NSD2: variants seen among roughly 807,000 people sequenced by gnomAD.
NSD2 encodes histone-lysine N-methyltransferase NSD2.
NSD2 carries 12 observed loss-of-function variants against 139.0 expected under a neutral mutation model. That is an observed-to-expected ratio of 0.09 (90% CI 0.06 to 0.14). The LOEUF (loss-of-function observed/expected upper bound fraction) is 0.14. NSD2 is among the 10% of genes least tolerant of loss of function. The pLI is 1.00. For missense variants in NSD2, 1,155 were observed against 1,745.0 expected (o/e 0.66, Z 6.02); for synonymous variants, 669 against 648.7 (o/e 1.03, Z -0.48).
Position 1,975,281 on chromosome 4 carries a change from C to G in NSD2, c.3515-13C>G. The stretch of plus-strand genomic sequence containing the variant: ...GGTGTTTCCAATTTGGTGTCTGTCT[C>G]CTCTTCTCCCAGGGACGGAGCTGAC... On this transcript the variant is annotated splice_polypyrimidine_tract_variant and intron_variant, in intron 19 of 21. Transcript: ENST00000508803. 6.2e-7 allele frequency: 1 copy of G among 1,613,524 alleles called. No homozygotes were observed. Among genetic ancestry groups the G allele is most frequent in the Non-Finnish European group, 8.5e-7 (1 of 1,179,516 alleles).
intron 9 of NSD2, chr4:1,944,536 G>A: frequency 9.4e-7 from 1 of 1,065,612 alleles, no homozygotes; most frequent in Non-Finnish European, 1.1e-6. Context: ...TTGGAGAGGG[G>A]AGGTGGCTCT....
At chr4:1,904,820 G>A (rs1007427727) in intron 3 of NSD2, among the ~76,000 whole-genome samples, 2 of 152,086 alleles carry the variant, frequency 1.3e-5, no homozygotes, top group Admixed American at 6.6e-5. Flanking sequence ...TTTACATGGA[G>A]CGGCTGATGT....
chr4:1,978,529 C>T, intron 21 of NSD2, 109 bp from the exon 22 acceptor site: 1 of 1,464,030 alleles, frequency 6.8e-7, no homozygotes, highest in Non-Finnish European at 9.3e-7. Context: ...GGAGCCAGCA[C>T]TATTTTGTGT....
At chr4:1,932,759 A>G (rs1007767318) in intron 6 of NSD2, among the ~76,000 whole-genome samples, 8 of 152,238 alleles carry the variant, frequency 5.3e-5, no homozygotes, top group African/African-American at 1.9e-4. Flanking sequence ...ATCTCAAAAA[A>G]AATGAAAATC....
intron 7 of NSD2, 37 bp from the exon 8 acceptor site, chr4:1,938,414 T>TGTTTG: frequency 8.9e-7 from 1 of 1,125,128 alleles, no homozygotes; most frequent in Non-Finnish European, 1.2e-6. Flanking sequence ...TTTTTTTTCT[T>TGTTTG]TCTTTTTTTT....
intron 9 of NSD2, chr4:1,945,648 G>T: frequency 9.4e-7 from 1 of 1,064,108 alleles, no homozygotes; most frequent in Non-Finnish European, 1.1e-6. Context: ...GTCCCGGCAT[G>T]GAAGCCAGTA....
At chr4:1,896,711 C>CTTCCTTCCT (rs1716370051) in intron 1 of NSD2, among the ~76,000 whole-genome samples, 1 of 149,626 alleles carries the variant, frequency 6.7e-6, no homozygotes, top group Non-Finnish European at 1.5e-5. Flanking sequence ...CATTCCTCTC[C>CTTCCTTCCT]TTCCTTCCTT....
At chr4:1,949,603 A>G (rs1723999548) in intron 9 of NSD2, among the ~76,000 whole-genome samples, 1 of 152,174 alleles carries the variant, frequency 6.6e-6, no homozygotes, top group Non-Finnish European at 1.5e-5. Flanking sequence ...TCTACTAAAA[A>G]TACAAAAAAT....
Position 1,955,283 on chromosome 4 carries a change from A to G in NSD2, c.2461A>G (p.Lys821Glu). 2 of 1,614,082 alleles carry G rather than the reference A, an allele frequency of 1.2e-6. No homozygotes were observed. Among genetic ancestry groups the G allele is most frequent in the Non-Finnish European group, 1.7e-6 (2 of 1,179,990 alleles). ...IICTAHFTAR[K>E]GKRHHAHVNV... ...CTGCACTGCCCACTTCACTGCTCGGAAGGGGAAGCGACACCACGCCCACGT... is the reference window on the plus strand; with the variant it reads ...CTGCACTGCCCACTTCACTGCTCGGGAGGGGAAGCGACACCACGCCCACGT... The change falls in exon 13 of 22, where the codon AAG (lysine) becomes GAG (glutamate). Residue 821 changes from lysine to glutamate, a missense_variant. Coordinates refer to ENST00000508803, the MANE Select transcript of NSD2 (RefSeq NM_001042424.3). This position sits in a 1 kb window ranked among gnomAD's most constrained non-coding sequence, Gnocchi z 4.7.
intron 1 of NSD2, among the ~76,000 whole-genome samples, chr4:1,899,935 G>T (rs954752434): frequency 6.6e-6 from 1 of 152,200 alleles, no homozygotes; most frequent in East Asian, 1.9e-4. Flanking sequence ...ACACGGAGGG[G>T]ATTAGTGGAC....
In NSD2 at chr4:1,918,519, G is replaced by A. The variant is rs1478631765; in HGVS notation, c.1306G>A (p.Gly436Arg). Residue 436 changes from glycine (G) to arginine (R), a missense_variant, in exon 5 of 22, where the codon GGG becomes AGG. This residue lies in a region of NSD2 where 420 missense variants were observed against 469.0 expected (regional missense o/e 0.90). Transcript: ENST00000508803. Reference protein sequence around the residue: ...TAEADPRRGVGSPPGRKKTTV... With the variant: ...TAEADPRRGVRSPPGRKKTTV... ...AGAGGCTGACCCCAGAAGAGGAGTA[G>A]GGTCTCCTCCTGGGAGGAAGAAGAC... 1.2e-6 allele frequency: 2 copies of A among 1,613,890 alleles called. No homozygotes were observed. The highest frequency in any genetic ancestry group is 3.3e-5 in the Admixed American group (2 of 59,968).
chr4:1,896,942 G>A (rs547473282), intron 1 of NSD2, among the ~76,000 whole-genome samples: 3 of 152,120 alleles, frequency 2.0e-5, no homozygotes, highest in East Asian at 1.9e-4. Context: ...AGGCCAAGGC[G>A]GGTGGATCGC....
At chr4:1,970,073 C>T (rs922578355) in intron 18 of NSD2, among the ~76,000 whole-genome samples, 7 of 152,136 alleles carry the variant, frequency 4.6e-5, no homozygotes, top group South Asian at 2.1e-4. Context: ...GAGAAGGATG[C>T]GAGTGACGCC....
chr4:1,959,506 A>G lies in NSD2; in HGVS notation c.3021A>G (p.Thr1007=), dbSNP rs750964285. Residue 1007 remains threonine, a synonymous_variant, in exon 17 of 22, where the codon ACA becomes ACG. Coordinates refer to ENST00000508803, the MANE Select transcript of NSD2 (RefSeq NM_001042424.3). ...CTTACGGGAAAGTCCAGATCTACAC[A>G]GCGGATATTTCAGAAATCCCTAAGT... ...NKPYGKVQIY[T]ADISEIPKCN... 3 of 1,614,210 alleles carry G rather than the reference A, an allele frequency of 1.9e-6. No homozygotes were observed. Among genetic ancestry groups the G allele is most frequent in the East Asian group, 2.2e-5 (1 of 44,882 alleles).
intron 3 of NSD2, among the ~76,000 whole-genome samples, chr4:1,908,255 C>T (rs188019389): frequency 2.6e-5 from 4 of 152,324 alleles, no homozygotes; most frequent in Admixed American, 2.6e-4. Context: ...TTGGATCTCA[C>T]AGTTGGAACC....
chr4:1,944,766 C>G, intron 9 of NSD2: 1 of 1,064,496 alleles, frequency 9.4e-7, no homozygotes, highest in Non-Finnish European at 1.1e-6. Flanking sequence ...TAAAATTGCC[C>G]CACCTGCTCT....
chr4:1,903,017 A>T (rs938833611), intron 2 of NSD2, among the ~76,000 whole-genome samples: 1 of 152,190 alleles, frequency 6.6e-6, no homozygotes, highest in African/African-American at 2.4e-5. Context: ...TCTATAAAAA[A>T]TAAAATTAGC....
chr4:1,921,641 C>T (rs1720140301), intron 5 of NSD2, among the ~76,000 whole-genome samples: 1 of 149,860 alleles, frequency 6.7e-6, no homozygotes, highest in Admixed American at 6.6e-5. Flanking sequence ...ATTTTACCAG[C>T]TGTGGTGGCG....
chr4:1,917,060 A>T, intron 4 of NSD2, 23 bp downstream of exon 4: 1 of 1,553,326 alleles, frequency 6.4e-7, no homozygotes, highest in Non-Finnish European at 8.7e-7. Context: ...CCTTCAGTCT[A>T]CTTTTAGACC....
Sources: gnomAD v4.1 joint callset for allele counts (sites outside exome capture counted in the v4.1 genomes callset) on GRCh38, gnomAD v4.1.1 for gene constraint, gnomAD v4.1.1 regional missense constraint, Gnocchi (gnomAD v3.1) non-coding constraint, MANE v1.5 for transcripts, NCBI Gene and HGNC (gene_info 2026-07-23, HGNC 2026-07-21) for gene names.